RWDD2B: variants seen among roughly 807,000 people sequenced by gnomAD.
RWDD2B encodes RWD domain-containing protein 2B.
In RWDD2B, 36 loss-of-function variants were observed where a neutral mutation model predicts 33.6. The observed-to-expected ratio is 1.07, with a 90% CI of 0.82 to 1.42. The LOEUF is 1.42. Ranked by LOEUF, RWDD2B falls within the 40% of genes most tolerant of loss-of-function variation. The pLI is 0.00. For synonymous variants in RWDD2B, 126 were observed against 133.1 expected (o/e 0.95, Z 0.37); for missense variants, 364 against 377.5 (o/e 0.96, Z 0.30).
At chr21:29,007,417 C>T (rs1022482916) in intron 4 of RWDD2B, among the ~76,000 whole-genome samples, 2 of 152,168 alleles carry the variant, frequency 1.3e-5, no homozygotes, top group African/African-American at 4.8e-5. Context: ...TGCTTAACAA[C>T]GGGGATACAT....
intron 1 of RWDD2B, chr21:29,009,754 T>C (rs984120780): frequency 3.9e-5 from 6 of 152,202 alleles, no homozygotes; most frequent in African/African-American, 9.7e-5. Flanking sequence ...AATTGTCCTG[T>C]AGCTTAAGTC....
intron 1 of RWDD2B, among the ~76,000 whole-genome samples, chr21:29,014,804 G>C (rs2084881849): frequency 6.6e-6 from 1 of 152,152 alleles, no homozygotes; most frequent in Non-Finnish European, 1.5e-5. Flanking sequence ...CTGGGCGGCA[G>C]AGCGAGACTC....
rs1483962339 is a variant in RWDD2B, at chr21:29,006,598, G to T, written c.779C>A (p.Pro260His). The T allele has an allele frequency of 1.2e-6, 2 of 1,613,060 alleles. No homozygotes were observed. Among genetic ancestry groups the T allele is most frequent in the African/African-American group, 2.7e-5 (2 of 74,892 alleles). The change falls in exon 5 of 5, where the codon CCT becomes CAT. Residue 260 changes from proline (P) to histidine (H), a missense_variant. Pro to His is a moderately conservative substitution (Grantham distance 77). Coordinates refer to ENST00000493196, the MANE Select transcript of RWDD2B (RefSeq NM_016940.3). ...RILIRHREDI[P>H]FDGTNDETER... ...CGTTTCATCATTTGTACCATCAAAA[G>T]GAATGTCTTCTCGATGGCGAATTAA...
chr21:29,010,760 C>G (rs1206942912), intron 1 of RWDD2B, among the ~76,000 whole-genome samples: 1 of 151,626 alleles, frequency 6.6e-6, no homozygotes, highest in East Asian at 2.0e-4. Flanking sequence ...CTCACTGCAA[C>G]CTCCCTGCCT....
At chr21:29,019,118 T>C in intron 1 of RWDD2B, 93 bp downstream of exon 1, 1 of 1,077,400 alleles carries the variant, frequency 9.3e-7, no homozygotes, top group South Asian at 1.4e-5. Context: ...GGGGCCGCCA[T>C]GCCGGGCACG....
chr21:29,019,072 C>A, intron 1 of RWDD2B, 139 bp downstream of exon 1: 3 of 690,158 alleles, frequency 4.3e-6, no homozygotes, highest in Middle Eastern at 4.0e-4. Flanking sequence ...CGCCGAGGAC[C>A]GAGCCGACCG....
Position 29,006,498 on chromosome 21 carries a change from G to A in RWDD2B, c.879C>T (p.Asp293=), listed in dbSNP as rs1465976370. 6.2e-7 allele frequency: 1 copy of A among 1,614,004 alleles called. No homozygotes were observed. The highest frequency in any genetic ancestry group is 2.2e-5 in the East Asian group (1 of 44,860). Residue 293 remains aspartate (D), a synonymous_variant, in exon 5 of 5, where the codon GAC becomes GAT. Coordinates refer to ENST00000493196, the MANE Select transcript of RWDD2B (RefSeq NM_016940.3). ...TTAAGAACTGATAGAGCTGACCAAA[G>A]TCCATGTGGTTTCCCCTGGCTCCAT... The part of the protein sequence containing the change: ...SVNGARGNHM[D]FGQLYQFLNT...
intron 1 of RWDD2B, among the ~76,000 whole-genome samples, chr21:29,012,210 C>G (rs1338578145): frequency 1.3e-5 from 2 of 151,520 alleles, no homozygotes; most frequent in Non-Finnish European, 3.0e-5. Flanking sequence ...CGCCTCTGCC[C>G]GGCCGCCCCT....
Position 29,008,177 on chromosome 21 carries a change from G to C in RWDD2B, c.363-54C>G, listed in dbSNP as rs1436996708. The stretch of plus-strand genomic sequence containing the variant: ...GTCTTGGAACAGAAAACAAATTCGA[G>C]AATTGCTTTTATTCTCAGATTAATT... On this transcript the variant is annotated intron_variant, in intron 3 of 4. Coordinates refer to ENST00000493196, the MANE Select transcript of RWDD2B (RefSeq NM_016940.3). 3.7e-6 allele frequency: 6 copies of C among 1,610,054 alleles called. No homozygotes were observed. In the East Asian group the frequency reaches 1.3e-4, roughly 36 times the overall value.
rs746708980 is a variant in RWDD2B, at chr21:29,011,339, G to A, written c.68-2718C>T. On this transcript the variant is annotated intron_variant, in intron 1 of 4. Transcript: ENST00000493196. Reference sequence around the variant, plus strand: ...CCTGCCGCCCCGTCCGGGATGCGAGGAGCGTCTCTGCCCGGCCACCCGGTC... The same window carrying A: ...CCTGCCGCCCCGTCCGGGATGCGAGAAGCGTCTCTGCCCGGCCACCCGGTC... Among the ~76,000 whole-genome samples the A allele has an allele frequency of 1.4e-3, 203 of 147,990 alleles. 2 individuals are homozygous for A. The Middle Eastern group carries it at 0.014, about 10-fold the overall frequency.
chr21:29,017,104 G>A (rs906024820), intron 1 of RWDD2B, among the ~76,000 whole-genome samples: 3 of 150,980 alleles, frequency 2.0e-5, no homozygotes, highest in Non-Finnish European at 4.4e-5. Flanking sequence ...AACTCCTGCC[G>A]TCATGATCCA....
rs2084825515 is a variant in RWDD2B at position 29,005,804 on chromosome 21, A to G, written c.*613T>C. The G allele has an allele frequency of 6.6e-6, 1 of 152,262 alleles. No individual in the cohort carries two copies. Among genetic ancestry groups the G allele is most frequent in the Non-Finnish European group, 1.5e-5 (1 of 68,088 alleles). The allele number at this position is 152,262 out of a possible 1,614,324, so 9.4% of individuals were successfully genotyped here. Reference sequence around the variant, plus strand: ...TTCATAAGATGTTTAGAGACAGGCAATGGCTGGTGTTGGGTCAGCAGCTCA... The same window carrying G: ...TTCATAAGATGTTTAGAGACAGGCAGTGGCTGGTGTTGGGTCAGCAGCTCA... On this transcript the variant is annotated 3_prime_UTR_variant, in exon 5 of 5. Coordinates refer to ENST00000493196, the MANE Select transcript of RWDD2B (RefSeq NM_016940.3).
At chr21:29,013,044 ACT>A (rs888551973) in intron 1 of RWDD2B, among the ~76,000 whole-genome samples, 4 of 143,966 alleles carry the variant, frequency 2.8e-5, no homozygotes, top group Admixed American at 1.4e-4. Flanking sequence ...ATGTCCTAAT[ACT>A]CTTTTTTTTT....
intron 1 of RWDD2B, among the ~76,000 whole-genome samples, chr21:29,011,404 CTGA>C (rs1227827547): frequency 6.7e-6 from 1 of 149,946 alleles, no homozygotes; most frequent in East Asian, 2.0e-4. Context: ...ACCACCCCGT[CTGA>C]GAAGTGAGGA....
intron 1 of RWDD2B, among the ~76,000 whole-genome samples, chr21:29,013,769 G>T (rs895309469): frequency 6.6e-6 from 1 of 151,490 alleles, no homozygotes; most frequent in African/African-American, 2.4e-5. Context: ...CCCTTCAGTA[G>T]TTTTTTTAAT....
chr21:29,004,389 T>G lies in RWDD2B; in HGVS notation c.*2028A>C, dbSNP rs1489477201. The stretch of plus-strand genomic sequence containing the variant: ...AAACTTATAAAACTACTCTGTTGCA[T>G]TCTATGTGTTTATGTGACATTTGAG... On this transcript the variant is annotated 3_prime_UTR_variant, in exon 5 of 5. Transcript: ENST00000493196. 6.6e-6 allele frequency: 1 copy of G among 152,244 alleles called. No individual in the cohort carries two copies. Among genetic ancestry groups the G allele is most frequent in the East Asian group, 1.9e-4 (1 of 5,204 alleles). The allele number at this position is 152,244 out of a possible 1,614,324, so 9.4% of individuals were successfully genotyped here. A position where few individuals can be genotyped will look rare whatever the true frequency, so the allele number is the denominator to read the frequency against.
At chr21:29,015,615 C>T (rs1432899879) in intron 1 of RWDD2B, among the ~76,000 whole-genome samples, 3 of 151,462 alleles carry the variant, frequency 2.0e-5, no homozygotes, top group African/African-American at 4.9e-5. Context: ...CCACAACCTC[C>T]GCCTCCTGGG....
At position 29,011,926 on chromosome 21, in the gene RWDD2B, A is replaced by C. The variant is rs1422434397; in HGVS notation, c.68-3305T>G. Among the ~76,000 whole-genome samples, 136 of 94,750 alleles carry C rather than the reference A, an allele frequency of 1.4e-3. 15 individuals carry two copies. The highest frequency in any genetic ancestry group is 5.0e-3 in the African/African-American group (121 of 24,164). 62.2% of individuals were successfully genotyped at this position (94,750 alleles called of 152,430 possible). A position where few individuals can be genotyped will look rare whatever the true frequency, so the allele number is the denominator to read the frequency against. On this transcript the variant is annotated intron_variant, in intron 1 of 4. Coordinates refer to ENST00000493196, the MANE Select transcript of RWDD2B (RefSeq NM_016940.3). ...AGCCCCCCGCCTGGCCAGCCGCCCCATCCGGGAGGGAGGTGGGGGGGTCAG... is the reference window on the plus strand; with the variant it reads ...AGCCCCCCGCCTGGCCAGCCGCCCCCTCCGGGAGGGAGGTGGGGGGGTCAG...
In RWDD2B at chr21:29,019,286, A is replaced by T. The variant is rs991758438; in HGVS notation, c.-9T>A. ...GACAGCTCAATTTTCATCAGAAGGG[A>T]GCCTCAAAATTCTAGCATACTGCGA... On this transcript the variant is annotated 5_prime_UTR_variant, in exon 1 of 5. Transcript: ENST00000493196. The T allele has an allele frequency of 6.3e-7, 1 of 1,597,272 alleles. No homozygotes were observed. Among genetic ancestry groups the T allele is most frequent in the South Asian group, 1.1e-5 (1 of 88,400 alleles).
Sources: gnomAD v4.1 joint callset for allele counts (sites outside exome capture counted in the v4.1 genomes callset) on GRCh38, gnomAD v4.1.1 for gene constraint, MANE v1.5 for transcripts, NCBI Gene and HGNC (gene_info 2026-07-23, HGNC 2026-07-21) for gene names.